ICA1: variants seen among roughly 807,000 people sequenced by gnomAD.
ICA1 encodes the protein islet cell autoantigen 1.
Under a neutral mutation model 71.0 loss-of-function variants are expected in ICA1, and 40 were observed. The observed-to-expected ratio is 0.56, with a 90% CI of 0.44 to 0.73. The LOEUF is 0.73. ICA1 is among the 30% of genes least tolerant of loss of function. The pLI is 0.00. For missense variants in ICA1, 578 were observed against 576.5 expected, an observed-to-expected ratio of 1.00 and a Z score of -0.03; for synonymous variants, 207 against 209.5, an observed-to-expected ratio of 0.99 and a Z score of 0.10.
At chr7:8,176,826 A>G (rs1049590019) in intron 6 of ICA1, among the ~76,000 whole-genome samples, 16 of 152,298 alleles carry the variant, frequency 1.1e-4, no homozygotes, top group Middle Eastern at 3.4e-3. Context: ...CAATGTACCT[A>G]CAACATAATT....
chr7:8,180,453 A>G (rs754078837), intron 6 of ICA1, among the ~76,000 whole-genome samples: 26 of 152,132 alleles, frequency 1.7e-4, no homozygotes, highest in Non-Finnish European at 2.8e-4. Context: ...GTTTACTTTC[A>G]CGTTGCAGCT....
At chr7:8,165,820 G>C (rs1292197918) in intron 6 of ICA1, among the ~76,000 whole-genome samples, 2 of 152,156 alleles carry the variant, frequency 1.3e-5, no homozygotes, top group Non-Finnish European at 2.9e-5. Flanking sequence ...ATCCAGGAAG[G>C]TGCAAAATTT....
At chr7:8,149,182 G>C (rs1221412848) in intron 8 of ICA1, among the ~76,000 whole-genome samples, 2 of 152,164 alleles carry the variant, frequency 1.3e-5, no homozygotes, top group Non-Finnish European at 2.9e-5. Flanking sequence ...CCAGCTGATG[G>C]GAGCCACATA....
At position 8,237,005 on chromosome 7, in the gene ICA1, C is replaced by G. The variant is rs571320254; in HGVS notation, c.-79-1000G>C. 2.6e-5 allele frequency: 4 copies of G among 152,314 alleles called. No individual in the cohort carries two copies. The South Asian group carries it at 8.3e-4, about 32-fold the overall frequency. 9.4% of individuals were successfully genotyped at this position (152,314 alleles called of 1,614,324 possible). On this transcript the variant is annotated intron_variant, in intron 1 of 13. Coordinates refer to ENST00000402384, the MANE Select transcript of ICA1 (RefSeq NM_001136020.3). ...GTACTCCTAAAGTGATTAAAGCTTTCCTAGGCTATTTAAAAACATTTCAAG... is the reference window on the plus strand; with the variant it reads ...GTACTCCTAAAGTGATTAAAGCTTTGCTAGGCTATTTAAAAACATTTCAAG...
intron 6 of ICA1, among the ~76,000 whole-genome samples, chr7:8,197,892 T>C (rs1047105200): frequency 6.6e-6 from 1 of 152,200 alleles, no homozygotes; most frequent in African/African-American, 2.4e-5. Context: ...ATGGTTTGGA[T>C]ACCTTTGGAA....
chr7:8,143,061 T>G (rs1795757347), intron 9 of ICA1, among the ~76,000 whole-genome samples: 1 of 152,252 alleles, frequency 6.6e-6, no homozygotes, highest in African/African-American at 2.4e-5. Flanking sequence ...CATCTAAATT[T>G]TTTTTGTGTG....
intron 7 of ICA1, 27 bp downstream of exon 7, chr7:8,158,500 T>C: frequency 6.2e-7 from 1 of 1,612,966 alleles, no homozygotes; most frequent in Non-Finnish European, 8.5e-7. Context: ...CATCCTTGGT[T>C]CATTGCAACA....
intron 13 of ICA1, among the ~76,000 whole-genome samples, chr7:8,118,281 G>T (rs1343056940): frequency 6.6e-6 from 1 of 152,168 alleles, no homozygotes; most frequent in Non-Finnish European, 1.5e-5. Context: ...GAAAAAATAC[G>T]AAGAGTTCTA....
intron 6 of ICA1, among the ~76,000 whole-genome samples, chr7:8,210,043 T>G (rs561303102): frequency 5.3e-5 from 8 of 152,330 alleles, no homozygotes; most frequent in Non-Finnish European, 7.4e-5. Context: ...ACTTGTCAAT[T>G]GTCCAAGGAA....
intron 6 of ICA1, among the ~76,000 whole-genome samples, chr7:8,175,046 G>A (rs1422852345): frequency 6.6e-6 from 1 of 152,136 alleles, no homozygotes; most frequent in South Asian, 2.1e-4. Flanking sequence ...AGAGAGAAAG[G>A]ATCATCTCAT....
At chr7:8,212,289 G>C (rs1244531860) in intron 6 of ICA1, among the ~76,000 whole-genome samples, 1 of 152,124 alleles carries the variant, frequency 6.6e-6, no homozygotes, top group East Asian at 1.9e-4. Context: ...CTAAGGCCAG[G>C]CACTGTGGCT....
intron 6 of ICA1, among the ~76,000 whole-genome samples, chr7:8,187,278 C>T (rs143848556): frequency 6.6e-6 from 1 of 152,306 alleles, no homozygotes; most frequent in East Asian, 1.9e-4. Flanking sequence ...AGGCTGCAAA[C>T]CTGTACAACA....
At position 8,114,266 on chromosome 7, in the gene ICA1, T is replaced by C. The variant is rs1008511164; in HGVS notation, c.1331-222A>G. On this transcript the variant is annotated intron_variant, in intron 13 of 13. Coordinates refer to ENST00000402384, the MANE Select transcript of ICA1 (RefSeq NM_001136020.3). ...CTGAAGCTCCGAGAATAACAAGCTC[T>C]TGTGTTAACAAACTCCCACCTGCAC... 3 of 549,026 alleles carry C rather than the reference T, an allele frequency of 5.5e-6. No homozygotes were observed. The African/African-American group carries it at 5.7e-5, about 10-fold the overall frequency. 34.0% of individuals were successfully genotyped at this position (549,026 alleles called of 1,614,324 possible). A position where few individuals can be genotyped will look rare whatever the true frequency, so the allele number is the denominator to read the frequency against.
Position 8,128,035 on chromosome 7 carries a change from A to G in ICA1, c.1168T>C (p.Phe390Leu). The G allele has an allele frequency of 6.2e-7, 1 of 1,614,080 alleles. No individual in the cohort carries two copies. The highest frequency in any genetic ancestry group is 1.3e-5 in the African/African-American group (1 of 74,996). ...FNASSLEEGE[F>L]SKEWAAVFGD... The stretch of plus-strand genomic sequence containing the variant: ...AACACAGCGGCCCACTCTTTGCTGA[A>G]CTCGCCCTCTTCCAAGGAGGAAGCA... Residue 390 changes from phenylalanine (F) to leucine (L), a missense_variant, in exon 13 of 14, where the codon TTC becomes CTC. Transcript: ENST00000402384.
At chr7:8,154,075 T>G (rs1800638203) in intron 8 of ICA1, among the ~76,000 whole-genome samples, 1 of 151,980 alleles carries the variant, frequency 6.6e-6, no homozygotes, top group African/African-American at 2.4e-5. Flanking sequence ...AAAATTAAAA[T>G]GATGAAGGAA....
At chr7:8,115,504 G>C (rs148286368) in intron 13 of ICA1, among the ~76,000 whole-genome samples, 30 of 152,294 alleles carry the variant, frequency 2.0e-4, no homozygotes, top group African/African-American at 7.0e-4. Flanking sequence ...ACCTCCTCAA[G>C]GGTCTTAGGA....
chr7:8,254,512 T>C (rs565668771), intron 1 of ICA1, among the ~76,000 whole-genome samples: 7 of 148,366 alleles, frequency 4.7e-5, no homozygotes, highest in Non-Finnish European at 8.9e-5. Context: ...GGTCATCTAG[T>C]TGGCGTTATT....
chr7:8,234,812 G>A lies in ICA1; in HGVS notation c.17+1098C>T, dbSNP rs140554466. ...GAATATGCACATTAAAAGGTTGGAA[G>A]GATACACTCCAAAGACTGATTATTT... is the stretch of plus-strand genomic sequence containing the variant. On this transcript the variant is annotated intron_variant, in intron 2 of 13. Coordinates refer to ENST00000402384, the MANE Select transcript of ICA1 (RefSeq NM_001136020.3). The surrounding 1 kb of genome is among the most constrained non-coding windows in gnomAD (Gnocchi z 4.5). Among the ~76,000 whole-genome samples, 1 of 152,266 alleles carries A rather than the reference G, an allele frequency of 6.6e-6. No homozygotes were observed. Among genetic ancestry groups the A allele is most frequent in the Non-Finnish European group, 1.5e-5 (1 of 68,020 alleles).
At chr7:8,135,139 G>A (rs1027569879) in intron 12 of ICA1, among the ~76,000 whole-genome samples, 1 of 152,084 alleles carries the variant, frequency 6.6e-6, no homozygotes, top group Non-Finnish European at 1.5e-5. Context: ...CGATTCTTCT[G>A]CCTCAGCCTC....
Sources: gnomAD v4.1 joint callset for allele counts (sites outside exome capture counted in the v4.1 genomes callset) on GRCh38, gnomAD v4.1.1 for gene constraint, Gnocchi (gnomAD v3.1) non-coding constraint, MANE v1.5 for transcripts, NCBI Gene and HGNC (gene_info 2026-07-23, HGNC 2026-07-21) for gene names.